Variants in PRKAA1 observed in about 807,000 individuals in gnomAD.
The protein encoded by PRKAA1 is 5'-AMP-activated protein kinase catalytic subunit alpha-1.
In PRKAA1, 23 loss-of-function variants were observed where a neutral mutation model predicts 56.9. That is an observed-to-expected ratio of 0.40 (90% confidence interval 0.29 to 0.57). The LOEUF is 0.57. Among genes scored for constraint, PRKAA1 ranks in the 20% least tolerant of loss-of-function variants. The pLI is 0.39. For synonymous variants in PRKAA1, 226 were observed against 227.0 expected (o/e 1.00, Z 0.04); for missense variants, 413 against 679.7 (o/e 0.61, Z 4.36).
chr5:40,785,868 A>AGG (rs796456563), intron 1 of PRKAA1, among the ~76,000 whole-genome samples: 3 of 140,794 alleles, frequency 2.1e-5, no homozygotes, highest in African/African-American at 8.2e-5. Flanking sequence ...AGAGAGAGAG[A>AGG]GAGAGAGAGA....
intron 2 of PRKAA1, 155 bp downstream of exon 2, chr5:40,777,290 G>A: frequency 1.3e-6 from 1 of 742,204 alleles, no homozygotes; most frequent in Non-Finnish European, 2.1e-6. Context: ...TGGAATTACA[G>A]GTGTGAGCCA....
rs768798906 is a variant in PRKAA1 at position 40,762,991 on chromosome 5, A to G, written c.1467T>C (p.Ala489=). Residue 489 remains alanine (A), a synonymous_variant, in exon 9 of 9, where the codon GCT becomes GCC. Coordinates refer to ENST00000397128, the MANE Select transcript of PRKAA1 (RefSeq NM_006251.6). ...DEITEAKSGT[A]TPQRSGSVSN... ...TAACTGATCCCGATCTCTGTGGAGT[A>G]GCAGTCCCTGATTTGGCTTCTGTAA... 1.2e-6 allele frequency: 2 copies of G among 1,614,134 alleles called. No homozygotes were observed. The highest frequency in any genetic ancestry group is 8.5e-7 in the Non-Finnish European group (1 of 1,179,966).
intron 1 of PRKAA1, among the ~76,000 whole-genome samples, chr5:40,780,058 C>CTTTCTTATATTT (rs1744201575): frequency 6.6e-6 from 1 of 152,042 alleles, no homozygotes; most frequent in Non-Finnish European, 1.5e-5. Context: ...GGCAGGGGAG[C>CTTTCTTATATTT]TTTCTTATAT....
chr5:40,766,399 G>T (rs1743436601), intron 6 of PRKAA1, among the ~76,000 whole-genome samples: 3 of 151,686 alleles, frequency 2.0e-5, no homozygotes, highest in Admixed American at 2.0e-4. Flanking sequence ...TCCACAGGGG[G>T]GAAAAAAAAG....
At chr5:40,768,383 T>C (rs957521525) in intron 5 of PRKAA1, 26 of 896,348 alleles carry the variant, frequency 2.9e-5, no homozygotes, top group Non-Finnish European at 3.5e-5. Flanking sequence ...ATTGCATATA[T>C]GCACAGTTAT....
At position 40,774,551 on chromosome 5, in the gene PRKAA1, T is replaced by C. The variant is rs1021044833; in HGVS notation, c.363+859A>G. Among the ~76,000 whole-genome samples the C allele has an allele frequency of 8.7e-3, 1,243 of 142,766 alleles. 42 individuals are homozygous for C. Among genetic ancestry groups the C allele is most frequent in the African/African-American group, 0.024 (939 of 39,272 alleles). 93.7% of individuals were successfully genotyped at this position (142,766 alleles called of 152,430 possible). ...TGTTTCCCATTTCTCCAGGCAGAAT[T>C]TTTTTTTTTTTTTTTTTTTTGGTAA... is the stretch of plus-strand genomic sequence containing the variant. On this transcript the variant is annotated intron_variant, in intron 3 of 8. Transcript: ENST00000397128.
chr5:40,779,516 T>C (rs565005583), intron 1 of PRKAA1, among the ~76,000 whole-genome samples: 2 of 152,278 alleles, frequency 1.3e-5, no homozygotes, highest in South Asian at 4.1e-4. Flanking sequence ...CTAACAACCA[T>C]TGCATGGGTA....
intron 1 of PRKAA1, among the ~76,000 whole-genome samples, chr5:40,788,435 C>T (rs1744584276): frequency 6.6e-6 from 1 of 152,140 alleles, no homozygotes; most frequent in Non-Finnish European, 1.5e-5. Flanking sequence ...CGAGAAGCTC[C>T]ATGACACAGG....
chr5:40,794,901 A>G (rs987510645), intron 1 of PRKAA1, among the ~76,000 whole-genome samples: 3 of 150,904 alleles, frequency 2.0e-5, no homozygotes, highest in African/African-American at 4.9e-5. Context: ...AGATACTTGC[A>G]CATGCATGTT....
intron 8 of PRKAA1, among the ~76,000 whole-genome samples, chr5:40,763,641 T>C (rs1743293725): frequency 6.6e-6 from 1 of 152,180 alleles, no homozygotes; most frequent in Non-Finnish European, 1.5e-5. Flanking sequence ...AAAATGGGCA[T>C]TCAATTGGTA....
intron 1 of PRKAA1, among the ~76,000 whole-genome samples, chr5:40,788,532 A>G (rs548618562): frequency 6.6e-6 from 1 of 152,300 alleles, no homozygotes; most frequent in African/African-American, 2.4e-5. Flanking sequence ...CAAACTAAAA[A>G]GCTTCTGAAC....
chr5:40,779,725 G>A (rs1255751832), intron 1 of PRKAA1, among the ~76,000 whole-genome samples: 1 of 152,072 alleles, frequency 6.6e-6, no homozygotes, highest in Non-Finnish European at 1.5e-5. Context: ...AACTGCAATA[G>A]AGTCACCCAA....
intron 3 of PRKAA1, among the ~76,000 whole-genome samples, chr5:40,773,588 C>T (rs954787986): frequency 6.6e-6 from 1 of 152,168 alleles, no homozygotes; most frequent in African/African-American, 2.4e-5. Flanking sequence ...CAAGAGGAGT[C>T]ACCAAGGATG....
intron 4 of PRKAA1, among the ~76,000 whole-genome samples, chr5:40,770,206 T>A (rs1028242374): frequency 1.3e-5 from 2 of 152,194 alleles, no homozygotes; most frequent in Non-Finnish European, 2.9e-5. Context: ...CTCACGCCTG[T>A]AATCCCAGCA....
Position 40,789,223 on chromosome 5 carries a change from A to T in PRKAA1, c.127+8840T>A, listed in dbSNP as rs149603639. 4.3e-3 allele frequency among the ~76,000 whole-genome samples: 648 copies of T among 151,714 alleles called. 4 individuals are homozygous for T. Among genetic ancestry groups the T allele is most frequent in the African/African-American group, 0.015 (615 of 41,350 alleles). ...GAGACACTGTCTCAAAAATAAAAAT[A>T]AAAAAAAAGACAAACAAATGGCCAA... On this transcript the variant is annotated intron_variant, in intron 1 of 8. Transcript: ENST00000397128.
intron 2 of PRKAA1, among the ~76,000 whole-genome samples, chr5:40,776,228 G>A (rs1035758848): frequency 6.6e-6 from 1 of 152,186 alleles, no homozygotes; most frequent in Non-Finnish European, 1.5e-5. Flanking sequence ...TGATTGTGAA[G>A]GAAGAAATGA....
In PRKAA1 at chr5:40,798,309, G is replaced by A. The variant is rs1388555907; in HGVS notation, c.-120C>T. On this transcript the variant is annotated 5_prime_UTR_variant, in exon 1 of 9. Coordinates refer to ENST00000397128, the MANE Select transcript of PRKAA1 (RefSeq NM_006251.6). ...TCACCGCCCTGCGCCGCCAGCCCAG[G>A]CCCCGCAGCCTACGTCGGGCGCAGA... 1.7e-5 allele frequency: 9 copies of A among 540,258 alleles called. No individual in the cohort carries two copies. Among genetic ancestry groups the A allele is most frequent in the Non-Finnish European group, 2.2e-5 (8 of 362,912 alleles). 33.5% of individuals were successfully genotyped at this position (540,258 alleles called of 1,614,324 possible). A position where few individuals can be genotyped will look rare whatever the true frequency, so the allele number is the denominator to read the frequency against.
intron 1 of PRKAA1, among the ~76,000 whole-genome samples, chr5:40,790,363 T>C (rs1438032739): frequency 6.6e-6 from 1 of 152,230 alleles, no homozygotes; most frequent in South Asian, 2.1e-4. Context: ...TGTTAACTTA[T>C]GAGTATCAAC....
intron 1 of PRKAA1, among the ~76,000 whole-genome samples, chr5:40,785,897 T>C (rs953841848): frequency 1.4e-5 from 2 of 146,534 alleles, no homozygotes; most frequent in African/African-American, 5.1e-5. Flanking sequence ...GCGCAGCCAT[T>C]TGAAGACAGA....
Sources: allele counts gnomAD v4.1 joint callset (sites outside exome capture counted in the v4.1 genomes callset), GRCh38; gene constraint gnomAD v4.1.1; transcripts MANE v1.5; gene names NCBI Gene and HGNC (gene_info 2026-07-23, HGNC 2026-07-21).